The following PSME4 variants were observed in gnomAD, a reference collection of about 807,000 sequenced individuals.
The protein encoded by PSME4 is proteasome activator complex subunit 4.
A neutral mutation model predicts 253.9 loss-of-function variants in PSME4; 89 were observed. That is an observed-to-expected ratio of 0.35 (90% CI 0.30 to 0.42). The LOEUF (loss-of-function observed/expected upper bound fraction) is 0.42, where lower values mean the gene tolerates loss of function less well. PSME4 is among the 10% of genes least tolerant of loss of function. The probability of loss-of-function intolerance (pLI) is 1.00; values close to 1 mark genes in which losing one functional copy is unlikely to be tolerated. For missense variants in PSME4, 2,014 were observed against 2,195.2 expected (o/e 0.92, Z 1.65); for synonymous variants, 851 against 759.2 (o/e 1.12, Z -1.99).
chr2:53,961,943 C>G (rs1025194011), intron 1 of PSME4, among the ~76,000 whole-genome samples: 1 of 152,094 alleles, frequency 6.6e-6, no homozygotes, highest in African/African-American at 2.4e-5. Flanking sequence ...GATTGGCTAG[C>G]AACTTAGAAC....
intron 1 of PSME4, among the ~76,000 whole-genome samples, chr2:53,963,696 T>C (rs1293136746): frequency 6.6e-6 from 1 of 152,088 alleles, no homozygotes; most frequent in Non-Finnish European, 1.5e-5. Context: ...ACAGTAAACC[T>C]TAGGCAAAAA....
At chr2:53,938,700 G>T (rs1282791306) in intron 4 of PSME4, among the ~76,000 whole-genome samples, 1 of 151,976 alleles carries the variant, frequency 6.6e-6, no homozygotes, top group Non-Finnish European at 1.5e-5. Context: ...TATAGGCTTG[G>T]CCCACACAGC....
At position 53,896,820 on chromosome 2, in the gene PSME4, A is replaced by C. The variant is rs767178289; in HGVS notation, c.3672T>G (p.Ile1224Met). 1 of 1,608,140 alleles carries C rather than the reference A, an allele frequency of 6.2e-7. No homozygotes were observed. Among genetic ancestry groups the C allele is most frequent in the South Asian group, 1.1e-5 (1 of 90,980 alleles). The change falls in exon 32 of 47, where the codon ATT becomes ATG. Residue 1224 changes from isoleucine (I) to methionine (M), a missense_variant. Coordinates refer to ENST00000404125, the MANE Select transcript of PSME4 (RefSeq NM_014614.3). ...QLKRTHKKLT[I>M]NPCEISGCPK... The stretch of plus-strand genomic sequence containing the variant: ...AGTACTCACTGATTTCACAGGGGTT[A>C]ATGGTCAGCTTTTTGTGGGTTCTTT...
Position 53,955,835 on chromosome 2 carries a change from T to C in PSME4, c.243-6552A>G, listed in dbSNP as rs554980746. ...AACTCAGGAGGCTGAGGTGGGAAGA[T>C]TGGTGGGGCCTGGGAAGCGAAGGTT... On this transcript the variant is annotated intron_variant, in intron 1 of 46. Transcript: ENST00000404125. 4.6e-5 allele frequency among the ~76,000 whole-genome samples: 7 copies of C among 152,132 alleles called. No homozygotes were observed. In the South Asian group the frequency reaches 1.5e-3, roughly 32 times the overall value.
intron 20 of PSME4, among the ~76,000 whole-genome samples, chr2:53,912,943 CTT>C (rs756467654): frequency 1.3e-5 from 2 of 152,174 alleles, no homozygotes; most frequent in Non-Finnish European, 2.9e-5. Context: ...AGTGAATAGT[CTT>C]AAGGCACTGT....
At position 53,970,807 on chromosome 2, in the gene PSME4, C is replaced by A. The variant is rs1473854449; in HGVS notation, c.-23G>T. On this transcript the variant is annotated 5_prime_UTR_variant, in exon 1 of 47. Transcript: ENST00000404125. ...CATGAGCCCAGGGACACCCCCCCCA[C>A]CCCCTCCCACCCGAACCCTCCCCGG... 2.7e-6 allele frequency: 4 copies of A among 1,486,614 alleles called. No individual in the cohort carries two copies. Among genetic ancestry groups the A allele is most frequent in the Admixed American group, 2.2e-5 (1 of 44,856 alleles). The allele number at this position is 1,486,614 out of a possible 1,614,324, so 92.1% of individuals were successfully genotyped here.
At position 53,874,357 on chromosome 2, in the gene PSME4, CAA is replaced by C; in HGVS notation, c.5080_5081del (p.Leu1694GlyfsTer22). The C allele has an allele frequency of 6.2e-7, 1 of 1,612,416 alleles. No individual in the cohort carries two copies. Among genetic ancestry groups the C allele is most frequent in the Non-Finnish European group, 8.5e-7 (1 of 1,179,650 alleles). The part of the protein sequence containing the change: ...KDIRWLVISL[L>X]EDEQLEVREM... The stretch of plus-strand genomic sequence containing the variant: ...ATTTTACCTCCAGTTGTTCGTCCTC[CAA>C]AAGACTTATAACCAGCCACCTGATA... On this transcript the variant is annotated frameshift_variant, in exon 43 of 47. Transcript: ENST00000404125. LOFTEE classifies it high-confidence loss of function.
At chr2:53,936,637 A>G (rs904625001) in intron 6 of PSME4, 127 bp downstream of exon 6, 4 of 629,834 alleles carry the variant, frequency 6.4e-6, no homozygotes, top group African/African-American at 3.8e-5. Context: ...CTAACAGCCA[A>G]TCCTAAGGAA....
chr2:53,907,411 A>G (rs1053467994), intron 24 of PSME4, among the ~76,000 whole-genome samples: 3 of 152,100 alleles, frequency 2.0e-5, no homozygotes, highest in Non-Finnish European at 2.9e-5. Flanking sequence ...AAGCCCCCCA[A>G]TTCTACCATT....
chr2:53,870,196 A>G (rs1031431431), intron 43 of PSME4: 1 of 152,186 alleles, frequency 6.6e-6, no homozygotes, highest in African/African-American at 2.4e-5. Context: ...TAAAAAACAG[A>G]TGTTTTGCTC....
intron 1 of PSME4, among the ~76,000 whole-genome samples, chr2:53,966,283 C>CA (rs763966659): frequency 2.0e-5 from 3 of 151,730 alleles, no homozygotes; most frequent in Non-Finnish European, 4.4e-5. Context: ...GACTCTGTCT[C>CA]AAAAAATATA....
At chr2:53,923,753 T>A (rs1316249773) in intron 14 of PSME4, among the ~76,000 whole-genome samples, 1 of 151,856 alleles carries the variant, frequency 6.6e-6, no homozygotes, top group Admixed American at 6.6e-5. Context: ...CGAAACCCTG[T>A]CTCCACTAAA....
chr2:53,950,700 G>C (rs527475345), intron 1 of PSME4, among the ~76,000 whole-genome samples: 2 of 152,100 alleles, frequency 1.3e-5, no homozygotes, highest in African/African-American at 4.8e-5. Context: ...AATTAGCCAG[G>C]CGTGGTGGCA....
At chr2:53,959,450 T>C (rs1003074626) in intron 1 of PSME4, among the ~76,000 whole-genome samples, 10 of 152,172 alleles carry the variant, frequency 6.6e-5, no homozygotes, top group African/African-American at 2.2e-4. Flanking sequence ...AAAACTACCA[T>C]GACCCATGAG....
Position 53,897,951 on chromosome 2 carries a change from C to T in PSME4, c.3525G>A (p.Leu1175=). ...GAAGAGGCAACACTCGGTCATCTCT[C>T]AGCAGTAGAGACAGAAGCCCAATGC... ...HIGIGLLSLL[L]RDDRVLPLRA... The change falls in exon 31 of 47, where the codon CTG becomes CTA. Residue 1175 remains leucine, a synonymous_variant. Coordinates refer to ENST00000404125, the MANE Select transcript of PSME4 (RefSeq NM_014614.3). 1 of 1,613,310 alleles carries T rather than the reference C, an allele frequency of 6.2e-7. No homozygotes were observed. Among genetic ancestry groups the T allele is most frequent in the Non-Finnish European group, 8.5e-7 (1 of 1,179,308 alleles).
chr2:53,964,376 T>C (rs1670623322), intron 1 of PSME4, among the ~76,000 whole-genome samples: 1 of 152,254 alleles, frequency 6.6e-6, no homozygotes, highest in Non-Finnish European at 1.5e-5. Flanking sequence ...ATTGTGCTAT[T>C]ACATTATACA....
chr2:53,945,254 G>A (rs920658974), intron 3 of PSME4, among the ~76,000 whole-genome samples: 1 of 152,074 alleles, frequency 6.6e-6, no homozygotes, highest in Non-Finnish European at 1.5e-5. Context: ...GTAAGTGTAT[G>A]GGACATTGTT....
At position 53,866,636 on chromosome 2, in the gene PSME4, G is replaced by A. The variant is rs1005928700; in HGVS notation, c.5397+111C>T. On this transcript the variant is annotated intron_variant, in intron 45 of 46. Transcript: ENST00000404125. ...GTGAGCAGACTAAGCCTTGGCAGAG[G>A]CAGCAGCTTTATGAAAGCAGTTAGT... The A allele has an allele frequency of 2.5e-6, 3 of 1,184,194 alleles. No individual in the cohort carries two copies. The African/African-American group carries it at 4.7e-5, about 19-fold the overall frequency. The allele number at this position is 1,184,194 out of a possible 1,614,324, so 73.4% of individuals were successfully genotyped here.
intron 1 of PSME4, among the ~76,000 whole-genome samples, chr2:53,962,510 T>C (rs539891839): frequency 6.6e-6 from 1 of 152,334 alleles, no homozygotes; most frequent in South Asian, 2.1e-4. Context: ...AAACCATTCT[T>C]AAGTGACATT....
Sources: gnomAD v4.1 joint callset for allele counts (sites outside exome capture counted in the v4.1 genomes callset) on GRCh38, gnomAD v4.1.1 for gene constraint, MANE v1.5 for transcripts, NCBI Gene and HGNC (gene_info 2026-07-23, HGNC 2026-07-21) for gene names.